PIP4K2A: variants seen among roughly 807,000 people sequenced by gnomAD.
The protein encoded by PIP4K2A is phosphatidylinositol 5-phosphate 4-kinase type-2 alpha.
PIP4K2A carries 14 observed loss-of-function variants against 42.9 expected under a neutral mutation model. That is an observed-to-expected ratio of 0.33 (90% CI 0.22 to 0.51). PIP4K2A has a LOEUF of 0.51. Among genes scored for constraint, PIP4K2A ranks in the 20% least tolerant of loss-of-function variants. PIP4K2A has a pLI of 0.97. For missense variants in PIP4K2A, 434 were observed against 519.8 expected (o/e 0.83, Z 1.61); for synonymous variants, 192 against 192.2 (o/e 1.00, Z 0.01).
intron 1 of PIP4K2A, among the ~76,000 whole-genome samples, chr10:22,685,607 A>G (rs981257614): frequency 1.3e-5 from 2 of 152,082 alleles, no homozygotes; most frequent in Non-Finnish European, 2.9e-5. Context: ...TCAGCTACCC[A>G]GGGGGGCTAA....
At chr10:22,700,737 C>T (rs1015284084) in intron 1 of PIP4K2A, among the ~76,000 whole-genome samples, 1 of 152,204 alleles carries the variant, frequency 6.6e-6, no homozygotes, top group African/African-American at 2.4e-5. Flanking sequence ...TAATACCTAA[C>T]ACCTTCCTCA....
chr10:22,695,899 A>T (rs1372731407), intron 1 of PIP4K2A, among the ~76,000 whole-genome samples: 2 of 152,160 alleles, frequency 1.3e-5, no homozygotes, highest in Non-Finnish European at 2.9e-5. Context: ...AAGATTCAGA[A>T]GCCTTGGATA....
intron 3 of PIP4K2A, among the ~76,000 whole-genome samples, chr10:22,595,133 C>T (rs1386649511): frequency 1.3e-5 from 2 of 152,128 alleles, no homozygotes; most frequent in South Asian, 2.1e-4. Context: ...CTATACAAAA[C>T]ACCTGATCCT....
At chr10:22,681,315 T>C (rs972626532) in intron 1 of PIP4K2A, among the ~76,000 whole-genome samples, 1 of 152,112 alleles carries the variant, frequency 6.6e-6, no homozygotes, top group South Asian at 2.1e-4. Flanking sequence ...TAAAGGGAGG[T>C]TGGAGGGGAC....
At chr10:22,649,843 T>C (rs1490887340) in intron 1 of PIP4K2A, among the ~76,000 whole-genome samples, 3 of 152,216 alleles carry the variant, frequency 2.0e-5, no homozygotes, top group African/African-American at 7.2e-5. Context: ...TGTAGATTCA[T>C]TCTTCAGCAA....
chr10:22,642,887 GTTTTC>G (rs1436253438), intron 1 of PIP4K2A, among the ~76,000 whole-genome samples: 3 of 152,066 alleles, frequency 2.0e-5, no homozygotes, highest in African/African-American at 7.2e-5. Flanking sequence ...CTGCCAAGAA[GTTTTC>G]TTTTGTCAAT....
intron 1 of PIP4K2A, among the ~76,000 whole-genome samples, chr10:22,643,775 T>A (rs1838827469): frequency 6.6e-6 from 1 of 151,834 alleles, no homozygotes; most frequent in Non-Finnish European, 1.5e-5. Context: ...GAAGATGGGG[T>A]AGGTGCCTTG....
intron 1 of PIP4K2A, among the ~76,000 whole-genome samples, chr10:22,683,648 C>G (rs1839705694): frequency 6.6e-6 from 1 of 152,130 alleles, no homozygotes; most frequent in Non-Finnish European, 1.5e-5. Flanking sequence ...TTCTTCTGTT[C>G]CCTTCTGCAG....
chr10:22,541,047 G>C (rs966536283), intron 8 of PIP4K2A, among the ~76,000 whole-genome samples: 1 of 152,196 alleles, frequency 6.6e-6, no homozygotes, highest in African/African-American at 2.4e-5. Flanking sequence ...CAAAAACCAA[G>C]AAGCTGTTTT....
intron 3 of PIP4K2A, among the ~76,000 whole-genome samples, chr10:22,604,308 C>G (rs763546807): frequency 1.3e-5 from 2 of 152,048 alleles, no homozygotes; most frequent in Non-Finnish European, 2.9e-5. Context: ...TACTACTTAA[C>G]CATGCTCTGC....
chr10:22,552,474 C>G (rs974670578), intron 6 of PIP4K2A, among the ~76,000 whole-genome samples: 7 of 152,066 alleles, frequency 4.6e-5, no homozygotes, highest in African/African-American at 1.7e-4. Flanking sequence ...TACGTGCACC[C>G]CCCATTCCCA....
intron 1 of PIP4K2A, among the ~76,000 whole-genome samples, chr10:22,632,128 A>G (rs921403405): frequency 3.3e-5 from 5 of 152,204 alleles, no homozygotes; most frequent in Non-Finnish European, 5.9e-5. Flanking sequence ...AAGACAGGAA[A>G]TAGTCCAGAT....
intron 1 of PIP4K2A, among the ~76,000 whole-genome samples, chr10:22,696,941 TAGTC>T (rs1168103505): frequency 6.6e-6 from 1 of 152,196 alleles, no homozygotes; most frequent in East Asian, 1.9e-4. Context: ...TCATCTAAAA[TAGTC>T]AGTAATTTAG....
chr10:22,568,735 G>A (rs1489795466), intron 5 of PIP4K2A, among the ~76,000 whole-genome samples: 2 of 152,194 alleles, frequency 1.3e-5, no homozygotes, highest in African/African-American at 4.8e-5. Flanking sequence ...GCTTGTGGAA[G>A]ATTTTAATTC....
At chr10:22,614,470 A>C (rs991733725) in intron 1 of PIP4K2A, among the ~76,000 whole-genome samples, 1 of 152,136 alleles carries the variant, frequency 6.6e-6, no homozygotes, top group African/African-American at 2.4e-5. Flanking sequence ...TTCATTCTTT[A>C]CATTTGCATC....
Position 22,537,088 on chromosome 10 carries a change from G to C in PIP4K2A, c.*113C>G. Reference sequence around the variant, plus strand: ...ATCTTGGCCTGAAGATGTAAACAAGGAGGTTTGCTTCCTGCAAGATGAGTA... The same window carrying C: ...ATCTTGGCCTGAAGATGTAAACAAGCAGGTTTGCTTCCTGCAAGATGAGTA... On this transcript the variant is annotated 3_prime_UTR_variant, in exon 10 of 10. Coordinates refer to ENST00000376573, the MANE Select transcript of PIP4K2A (RefSeq NM_005028.5). The C allele has an allele frequency of 1.4e-6, 1 of 737,340 alleles. No individual in the cohort carries two copies. The highest frequency in any genetic ancestry group is 2.3e-6 in the Non-Finnish European group (1 of 435,032). 45.7% of individuals were successfully genotyped at this position (737,340 alleles called of 1,614,324 possible). A position where few individuals can be genotyped will look rare whatever the true frequency, so the allele number is the denominator to read the frequency against.
At chr10:22,554,502 G>A (rs1836486258) in intron 6 of PIP4K2A, among the ~76,000 whole-genome samples, 1 of 152,190 alleles carries the variant, frequency 6.6e-6, no homozygotes, top group Admixed American at 6.5e-5. Flanking sequence ...GTTCTTTAAT[G>A]AGTGTCTTTG....
rs187901383 is a variant in PIP4K2A at position 22,595,511 on chromosome 10, G to A, written c.340-3730C>T. 1.7e-3 allele frequency among the ~76,000 whole-genome samples: 254 copies of A among 152,210 alleles called. 1 individual carries two copies. Among genetic ancestry groups the A allele is most frequent in the African/African-American group, 6.0e-3 (249 of 41,538 alleles). On this transcript the variant is annotated intron_variant, in intron 3 of 9. Transcript: ENST00000376573. The stretch of plus-strand genomic sequence containing the variant: ...AGTGGCTCATGCCTGTAGTCTCAGC[G>A]CTTTGGGGGCTGAGGTGGGCGGATC...
intron 1 of PIP4K2A, among the ~76,000 whole-genome samples, chr10:22,669,301 C>T (rs1839405717): frequency 6.6e-6 from 1 of 152,134 alleles, no homozygotes; most frequent in African/African-American, 2.4e-5. Context: ...ACAGCCTATA[C>T]ACGACGGTGG....
Sources: gnomAD v4.1 joint callset for allele counts (sites outside exome capture counted in the v4.1 genomes callset) on GRCh38, gnomAD v4.1.1 for gene constraint, MANE v1.5 for transcripts, NCBI Gene and HGNC (gene_info 2026-07-23, HGNC 2026-07-21) for gene names.